The following CAMTA1 variants were observed in gnomAD, a reference collection of about 807,000 sequenced individuals.
CAMTA1 encodes the protein calmodulin-binding transcription activator 1.
In CAMTA1, 27 loss-of-function variants were observed where a neutral mutation model predicts 170.9. The observed-to-expected ratio is 0.16, with a 90% CI of 0.12 to 0.22. The LOEUF (loss-of-function observed/expected upper bound fraction) is 0.22, where lower values mean the gene tolerates loss of function less well. Among genes scored for constraint, CAMTA1 ranks in the 10% least tolerant of loss-of-function variants. CAMTA1 has a pLI of 1.00. For missense variants in CAMTA1, 1,619 were observed against 2,217.2 expected, an observed-to-expected ratio of 0.73 and a Z score of 5.42; for synonymous variants, 833 against 891.5, an observed-to-expected ratio of 0.93 and a Z score of 1.17.
chr1:7,079,794 T>C (rs1176466555), intron 3 of CAMTA1, among the ~76,000 whole-genome samples: 4 of 152,116 alleles, frequency 2.6e-5, no homozygotes, highest in Non-Finnish European at 4.4e-5. Flanking sequence ...TAAACTCAGC[T>C]AGAAGAGGGG....
intron 4 of CAMTA1, among the ~76,000 whole-genome samples, chr1:7,126,871 T>C: frequency 6.6e-6 from 1 of 152,040 alleles, no homozygotes; most frequent in Non-Finnish European, 1.5e-5. Flanking sequence ...CCCGGGTTCA[T>C]GCCATTCTCC....
chr1:7,478,610 C>T (rs1052331586), intron 6 of CAMTA1, among the ~76,000 whole-genome samples: 1 of 152,242 alleles, frequency 6.6e-6, no homozygotes, highest in African/African-American at 2.4e-5. Context: ...ATCCTTCCGT[C>T]GGCAGAGGGG....
At chr1:7,601,937 G>A (rs906590625) in intron 6 of CAMTA1, among the ~76,000 whole-genome samples, 1 of 150,120 alleles carries the variant, frequency 6.7e-6, no homozygotes, top group African/African-American at 2.5e-5. Context: ...CGTGGAAAGA[G>A]AGGGAGAGGG....
At chr1:7,053,191 C>T (rs938380097) in intron 3 of CAMTA1, among the ~76,000 whole-genome samples, 5 of 152,300 alleles carry the variant, frequency 3.3e-5, no homozygotes, top group East Asian at 1.9e-4. Flanking sequence ...GCCGCCGCAG[C>T]GTCCCTTCCC....
At chr1:7,478,902 T>G (rs1434958498) in intron 6 of CAMTA1, among the ~76,000 whole-genome samples, 2 of 152,264 alleles carry the variant, frequency 1.3e-5, no homozygotes, top group Non-Finnish European at 2.9e-5. Flanking sequence ...AAGGGGAGAC[T>G]GTAGTTTCCA....
chr1:7,722,680 CT>C (rs966393414), intron 11 of CAMTA1, among the ~76,000 whole-genome samples: 17 of 148,560 alleles, frequency 1.1e-4, no homozygotes, highest in East Asian at 5.9e-4. Flanking sequence ...CTGAAGGTCT[CT>C]TTTTTTTTTA....
intron 11 of CAMTA1, among the ~76,000 whole-genome samples, chr1:7,704,392 G>A (rs1217252875): frequency 6.8e-6 from 1 of 146,292 alleles, no homozygotes; most frequent in East Asian, 2.0e-4. Context: ...GGGAACCGTC[G>A]CCGCCCCATT....
At chr1:6,927,149 C>T (rs558432592) in intron 3 of CAMTA1, among the ~76,000 whole-genome samples, 7 of 151,656 alleles carry the variant, frequency 4.6e-5, no homozygotes, top group East Asian at 1.9e-4. Flanking sequence ...CTCAGCCTCC[C>T]GAGTAGCTAG....
chr1:6,927,731 G>A (rs1032098469), intron 3 of CAMTA1, among the ~76,000 whole-genome samples: 1 of 152,214 alleles, frequency 6.6e-6, no homozygotes, highest in Non-Finnish European at 1.5e-5. Flanking sequence ...TGGGACCAGT[G>A]GTGTCCGGCA....
chr1:7,436,187 C>T (rs538077364), intron 5 of CAMTA1, among the ~76,000 whole-genome samples: 3 of 152,294 alleles, frequency 2.0e-5, no homozygotes, highest in South Asian at 2.1e-4. Flanking sequence ...GTCTGGGAGG[C>T]GAGAGGGAGC....
chr1:7,608,124 C>T (rs552702485), intron 6 of CAMTA1, among the ~76,000 whole-genome samples: 3 of 152,304 alleles, frequency 2.0e-5, no homozygotes, highest in Admixed American at 6.5e-5. Flanking sequence ...CAGCTGCTGA[C>T]CCATGGCAGG....
chr1:7,072,079 A>C (rs556700785), intron 3 of CAMTA1, among the ~76,000 whole-genome samples: 1 of 152,216 alleles, frequency 6.6e-6, no homozygotes, highest in African/African-American at 2.4e-5. Flanking sequence ...CCCGCTCTAC[A>C]TGGAAATCAG....
intron 5 of CAMTA1, among the ~76,000 whole-genome samples, chr1:7,430,642 C>A (rs998465603): frequency 6.6e-6 from 1 of 152,158 alleles, no homozygotes; most frequent in Non-Finnish European, 1.5e-5. Context: ...GGATCCATGG[C>A]TTCAGGTCTT....
At chr1:6,983,416 C>T (rs1211006224) in intron 3 of CAMTA1, among the ~76,000 whole-genome samples, 2 of 152,188 alleles carry the variant, frequency 1.3e-5, no homozygotes, top group Non-Finnish European at 2.9e-5. Flanking sequence ...TCCCCTTCCT[C>T]ATCACTCTTA....
At position 7,263,312 on chromosome 1, in the gene CAMTA1, C is replaced by T. The variant is rs530929800; in HGVS notation, c.438+13686C>T. On this transcript the variant is annotated intron_variant, in intron 5 of 22. Transcript: ENST00000303635. ...ACTTTCTTTTGCAAATAGTGTTTGCCGTGACATATTGTGAATGGACTGAAT... is the reference window on the plus strand; with the variant it reads ...ACTTTCTTTTGCAAATAGTGTTTGCTGTGACATATTGTGAATGGACTGAAT... Among the ~76,000 whole-genome samples, 7 of 152,118 alleles carry T rather than the reference C, an allele frequency of 4.6e-5. No individual in the cohort carries two copies. The East Asian group carries it at 9.6e-4, about 21-fold the overall frequency.
At chr1:6,922,229 G>A (rs1054002725) in intron 3 of CAMTA1, among the ~76,000 whole-genome samples, 1 of 152,128 alleles carries the variant, frequency 6.6e-6, no homozygotes, top group Non-Finnish European at 1.5e-5. Flanking sequence ...TCTAGTTTCA[G>A]ATGAGCAAAA....
chr1:7,655,295 C>CACAA (rs540045167), intron 7 of CAMTA1, among the ~76,000 whole-genome samples: 2 of 145,916 alleles, frequency 1.4e-5, no homozygotes, highest in East Asian at 4.1e-4. Context: ...CACACACACA[C>CACAA]CTATACACAC....
At chr1:7,572,701 C>T (rs2095139381) in intron 6 of CAMTA1, among the ~76,000 whole-genome samples, 1 of 152,212 alleles carries the variant, frequency 6.6e-6, no homozygotes, top group African/African-American at 2.4e-5. Context: ...ACTCAATCAT[C>T]TCCCAAACCC....
chr1:7,675,660 T>C (rs1196090729), intron 10 of CAMTA1, among the ~76,000 whole-genome samples: 3 of 152,150 alleles, frequency 2.0e-5, no homozygotes, highest in African/African-American at 4.8e-5. Flanking sequence ...GGTGCGCTGA[T>C]GTTGCCTTCG....
Sources: gnomAD v4.1 joint callset for allele counts (sites outside exome capture counted in the v4.1 genomes callset) on GRCh38, gnomAD v4.1.1 for gene constraint, MANE v1.5 for transcripts, NCBI Gene and HGNC (gene_info 2026-07-23, HGNC 2026-07-21) for gene names.